The following ASH1L variants were observed in gnomAD, a reference collection of about 807,000 sequenced individuals.
ASH1L encodes the protein ASH1 like histone lysine methyltransferase, also known as histone-lysine N-methyltransferase ASH1L.
A neutral mutation model predicts 269.0 loss-of-function variants in ASH1L; 23 were observed. The observed-to-expected ratio is 0.09, with a 90% CI of 0.06 to 0.12. The LOEUF is 0.12. Ranked by LOEUF, ASH1L falls within the 10% of genes least tolerant of loss-of-function variation. ASH1L has a pLI of 1.00. For synonymous variants in ASH1L, 1,187 were observed against 1,253.5 expected, an observed-to-expected ratio of 0.95 and a Z score of 1.12; for missense variants, 2,912 against 3,567.8, an observed-to-expected ratio of 0.82 and a Z score of 4.68.
chr1:155,345,959 G>A, intron 21 of ASH1L: 1 of 350,744 alleles, frequency 2.9e-6, no homozygotes, highest in South Asian at 2.2e-5. Flanking sequence ...AGCCACCCAA[G>A]TACCTGAGAC....
intron 5 of ASH1L, among the ~76,000 whole-genome samples, chr1:155,419,040 G>A (rs1038068815): frequency 3.9e-5 from 6 of 152,020 alleles, no homozygotes; most frequent in Non-Finnish European, 7.4e-5. Flanking sequence ...ACTCCAGCCT[G>A]GGAGGGCAAA....
intron 5 of ASH1L, among the ~76,000 whole-genome samples, chr1:155,434,979 G>A (rs999507748): frequency 3.3e-5 from 5 of 152,048 alleles, no homozygotes; most frequent in Non-Finnish European, 7.4e-5. Flanking sequence ...CCAACATGGG[G>A]AAACCCCGTC....
intron 27 of ASH1L, 88 bp from the exon 28 acceptor site, chr1:155,337,839 A>G (rs1652437540): frequency 2.3e-6 from 3 of 1,316,452 alleles, no homozygotes; most frequent in Non-Finnish European, 3.3e-6. Context: ...ACACGAACTC[A>G]ATGATTCCTT....
At chr1:155,497,482 T>C (rs1467305257) in intron 2 of ASH1L, among the ~76,000 whole-genome samples, 1 of 152,236 alleles carries the variant, frequency 6.6e-6, no homozygotes, top group Non-Finnish European at 1.5e-5. Context: ...CAACTTCAAC[T>C]TAACGAACAG....
At chr1:155,419,436 T>A (rs879782619) in intron 5 of ASH1L, 22 of 150,436 alleles carry the variant, frequency 1.5e-4, no homozygotes, top group Non-Finnish European at 2.5e-4. Context: ...ATTGGAACAA[T>A]ACAGAGATGA....
intron 4 of ASH1L, among the ~76,000 whole-genome samples, chr1:155,449,155 C>T (rs1197473848): frequency 6.6e-6 from 1 of 151,940 alleles, no homozygotes; most frequent in Non-Finnish European, 1.5e-5. Context: ...AGGATGGTCT[C>T]GATCTCTTGA....
chr1:155,405,996 G>C (rs1659251593), intron 6 of ASH1L, among the ~76,000 whole-genome samples: 2 of 151,884 alleles, frequency 1.3e-5, no homozygotes, highest in African/African-American at 2.4e-5. Context: ...TTGAGGTCCG[G>C]AGTTCGAGAC....
At chr1:155,517,184 C>G (rs1249128525) in intron 2 of ASH1L, among the ~76,000 whole-genome samples, 1 of 152,186 alleles carries the variant, frequency 6.6e-6, no homozygotes, top group Non-Finnish European at 1.5e-5. Context: ...CTCACACTTT[C>G]TGACTTCAAC....
chr1:155,485,468 A>C (rs183783052), intron 2 of ASH1L, among the ~76,000 whole-genome samples: 2 of 152,186 alleles, frequency 1.3e-5, no homozygotes, highest in Non-Finnish European at 2.9e-5. Context: ...TAACAGGCAC[A>C]AGCCATCTTG....
chr1:155,509,279 C>A (rs1231172169), intron 2 of ASH1L, among the ~76,000 whole-genome samples: 1 of 152,012 alleles, frequency 6.6e-6, no homozygotes, highest in African/African-American at 2.4e-5. Context: ...CCAGGATGAT[C>A]CCCAGGAGTT....
At chr1:155,525,759 T>C (rs1669208302) in intron 1 of ASH1L, among the ~76,000 whole-genome samples, 1 of 152,078 alleles carries the variant, frequency 6.6e-6, no homozygotes, top group Non-Finnish European at 1.5e-5. Flanking sequence ...AACTTTTTTC[T>C]TGTTCTGTAT....
intron 10 of ASH1L, among the ~76,000 whole-genome samples, chr1:155,374,973 C>A (rs1264260022): frequency 6.6e-6 from 1 of 152,070 alleles, no homozygotes; most frequent in African/African-American, 2.4e-5. Flanking sequence ...CACCACTATG[C>A]CTGCTAACTT....
rs1653011509 is a variant in ASH1L, at chr1:155,343,857, A to G, written c.7982-115T>C. ...GAACTCATAATCTGAAACAGTATAA[A>G]TACAGAGAGCTAAAAGCAGCAGTGT... On this transcript the variant is annotated intron_variant, in intron 22 of 27. Coordinates refer to ENST00000392403, the MANE Select transcript of ASH1L (RefSeq NM_018489.3). This position sits in a 1 kb window ranked among gnomAD's most constrained non-coding sequence, Gnocchi z 6.1. 8.3e-7 allele frequency: 1 copy of G among 1,211,144 alleles called. No individual in the cohort carries two copies. The highest frequency in any genetic ancestry group is 1.1e-6 in the Non-Finnish European group (1 of 870,018). 75.0% of individuals were successfully genotyped at this position (1,211,144 alleles called of 1,614,324 possible). A position where few individuals can be genotyped will look rare whatever the true frequency, so the allele number is the denominator to read the frequency against.
intron 7 of ASH1L, among the ~76,000 whole-genome samples, chr1:155,389,191 A>G (rs12081067): frequency 0.26 from 39,206 of 150,120 alleles, 5,838 homozygotes; most frequent in East Asian, 0.72. Context: ...TATTTTTAGT[A>G]GAGACCATGT....
intron 15 of ASH1L, among the ~76,000 whole-genome samples, chr1:155,356,278 T>C (rs866943594): frequency 6.6e-6 from 1 of 152,162 alleles, no homozygotes; most frequent in African/African-American, 2.4e-5. Flanking sequence ...CGGACTCCTT[T>C]GACAGTCTGA....
At chr1:155,452,373 T>TA (rs1017630409) in intron 4 of ASH1L, among the ~76,000 whole-genome samples, 1 of 151,956 alleles carries the variant, frequency 6.6e-6, no homozygotes, top group Non-Finnish European at 1.5e-5. Context: ...TTGCCACAAT[T>TA]AAAAAAAATT....
At chr1:155,425,078 T>C (rs974958568) in intron 5 of ASH1L, among the ~76,000 whole-genome samples, 3 of 151,972 alleles carry the variant, frequency 2.0e-5, no homozygotes, top group Admixed American at 6.6e-5. Flanking sequence ...CAAGTTATTC[T>C]CCTGCCTCAG....
intron 4 of ASH1L, among the ~76,000 whole-genome samples, chr1:155,457,606 C>T (rs1009703464): frequency 1.3e-5 from 2 of 152,162 alleles, no homozygotes; most frequent in Non-Finnish European, 2.9e-5. Flanking sequence ...TTCTCTGTGT[C>T]ATAGCATTTT....
intron 1 of ASH1L, among the ~76,000 whole-genome samples, chr1:155,554,431 C>T (rs943049502): frequency 1.3e-5 from 2 of 152,084 alleles, no homozygotes; most frequent in Non-Finnish European, 2.9e-5. Flanking sequence ...TGCCCCCACA[C>T]AGGGCTAATT....
Sources: gnomAD v4.1 joint callset for allele counts (sites outside exome capture counted in the v4.1 genomes callset) on GRCh38, gnomAD v4.1.1 for gene constraint, Gnocchi (gnomAD v3.1) non-coding constraint, MANE v1.5 for transcripts, NCBI Gene and HGNC (gene_info 2026-07-23, HGNC 2026-07-21) for gene names.